STIM1: variants seen among roughly 807,000 people sequenced by gnomAD.
STIM1 encodes stromal interaction molecule 1.
Under a neutral mutation model 74.7 loss-of-function variants are expected in STIM1, and 25 were observed. The observed-to-expected ratio is 0.33, with a 90% confidence interval of 0.24 to 0.47. The LOEUF is 0.47. Ranked by LOEUF, STIM1 falls within the 20% of genes least tolerant of loss-of-function variation. The probability of loss-of-function intolerance (pLI) is 1.00; values close to 1 mark genes in which losing one functional copy is unlikely to be tolerated. For synonymous variants in STIM1, 328 were observed against 348.8 expected, an observed-to-expected ratio of 0.94 and a Z score of 0.66; for missense variants, 728 against 920.8, an observed-to-expected ratio of 0.79 and a Z score of 2.71.
At chr11:3,940,053 A>G (rs984489263) in intron 1 of STIM1, among the ~76,000 whole-genome samples, 1 of 152,208 alleles carries the variant, frequency 6.6e-6, no homozygotes, top group Non-Finnish European at 1.5e-5. Context: ...AGACTTCACT[A>G]TGTGATTTTC....
chr11:3,956,889 G>GCGAA (rs2093221766), intron 1 of STIM1, among the ~76,000 whole-genome samples: 1 of 144,254 alleles, frequency 6.9e-6, no homozygotes, highest in African/African-American at 2.5e-5. Context: ...ATTAGGGAAA[G>GCGAA]CGAAGATTTA....
intron 1 of STIM1, chr11:3,892,816 T>C: frequency 3.7e-6 from 6 of 1,612,864 alleles, no homozygotes; most frequent in Non-Finnish European, 5.1e-6. Context: ...TGTCTGCAAA[T>C]AGCTTGAAGG....
intron 2 of STIM1, among the ~76,000 whole-genome samples, chr11:4,018,323 G>A (rs889530866): frequency 2.0e-5 from 3 of 149,940 alleles, no homozygotes; most frequent in African/African-American, 4.9e-5. Flanking sequence ...GCGGTGGCGG[G>A]CGCCTGTAGT....
chr11:3,972,870 A>G, intron 2 of STIM1: 1 of 482,830 alleles, frequency 2.1e-6, no homozygotes, highest in Non-Finnish European at 4.1e-6. Context: ...TGTTTTGGCC[A>G]GTATAGAATC....
At chr11:3,999,210 T>A (rs1368223572) in intron 2 of STIM1, among the ~76,000 whole-genome samples, 1 of 152,194 alleles carries the variant, frequency 6.6e-6, no homozygotes, top group Admixed American at 6.5e-5. Context: ...TTAGCCCCTG[T>A]GCCTGTAGTC....
At chr11:3,962,445 T>TTTTG (rs2093296942) in intron 1 of STIM1, among the ~76,000 whole-genome samples, 1 of 147,726 alleles carries the variant, frequency 6.8e-6, no homozygotes, top group African/African-American at 2.5e-5. Context: ...CTGAGTAGTA[T>TTTTG]TGTGTGTGTG....
At chr11:4,020,631 C>A (rs377261433) in intron 2 of STIM1, among the ~76,000 whole-genome samples, 5 of 151,976 alleles carry the variant, frequency 3.3e-5, no homozygotes, top group Non-Finnish European at 7.4e-5. Flanking sequence ...CTCTGTCACC[C>A]AGGCTGGAGT....
intron 2 of STIM1, among the ~76,000 whole-genome samples, chr11:3,982,023 T>C (rs1489125455): frequency 1.3e-5 from 2 of 152,162 alleles, no homozygotes; most frequent in African/African-American, 4.8e-5. Context: ...TTTTTTCTTT[T>C]CTTTTCTTTC....
chr11:4,091,935 A>G lies in STIM1; in HGVS notation c.*137A>G, dbSNP rs2094527671. 3.5e-6 allele frequency: 4 copies of G among 1,159,420 alleles called. No homozygotes were observed. Among genetic ancestry groups the G allele is most frequent in the Non-Finnish European group, 5.0e-6 (4 of 807,350 alleles). 71.8% of individuals were successfully genotyped at this position (1,159,420 alleles called of 1,614,324 possible). On this transcript the variant is annotated 3_prime_UTR_variant, in exon 13 of 13. Transcript: ENST00000526596. ...TGGTCCAGGGGTCTGGGCACTGTAC[A>G]TACCTGCCCCCTCATCCTTGGGTCC...
intron 1 of STIM1, among the ~76,000 whole-genome samples, chr11:3,907,745 G>A (rs2092489768): frequency 6.6e-6 from 1 of 152,112 alleles, no homozygotes; most frequent in Non-Finnish European, 1.5e-5. Context: ...CATATGACTT[G>A]GCTCCCAGTT....
At chr11:3,981,241 T>C (rs1203687692) in intron 2 of STIM1, among the ~76,000 whole-genome samples, 2 of 152,228 alleles carry the variant, frequency 1.3e-5, no homozygotes, top group Non-Finnish European at 2.9e-5. Flanking sequence ...CCGAGAAATC[T>C]TGTTTGTTCT....
Position 3,904,008 on chromosome 11 carries a change from C to G in STIM1, c.139+47599C>G, listed in dbSNP as rs141100946. Among the ~76,000 whole-genome samples the G allele has an allele frequency of 1.1e-4, 16 of 151,924 alleles. No homozygotes were observed. The South Asian group carries it at 1.9e-3, about 18-fold the overall frequency. On this transcript the variant is annotated intron_variant, in intron 1 of 12. Coordinates refer to ENST00000526596, the MANE Select transcript of STIM1 (RefSeq NM_001382567.1). ...GGTCAGCAGTTCGAGACCAGCCTGA[C>G]CAATATGGTGAAACCCCATCTCTAC...
chr11:3,877,617 T>C (rs1284640309), intron 1 of STIM1, among the ~76,000 whole-genome samples: 1 of 152,218 alleles, frequency 6.6e-6, no homozygotes, highest in Non-Finnish European at 1.5e-5. Flanking sequence ...CAGAGTGTGT[T>C]TGCTTGGGTT....
At chr11:3,972,605 C>G (rs939867116) in intron 2 of STIM1, among the ~76,000 whole-genome samples, 2 of 152,150 alleles carry the variant, frequency 1.3e-5, no homozygotes, top group African/African-American at 4.8e-5. Context: ...CTAAAATAAC[C>G]TGTTATACAA....
intron 1 of STIM1, among the ~76,000 whole-genome samples, chr11:3,920,285 T>G (rs2092701944): frequency 6.6e-6 from 1 of 152,068 alleles, no homozygotes; most frequent in African/African-American, 2.4e-5. Context: ...TCAACAATTT[T>G]GTGTAACCGT....
chr11:3,886,817 C>G lies in STIM1; in HGVS notation c.139+30408C>G, dbSNP rs142449215. ...AGGAGATCGAGATCATCCTGGATAA[C>G]ATGGTGAAACCCCGTCTTTACTAAA... On this transcript the variant is annotated intron_variant, in intron 1 of 12. Transcript: ENST00000526596. Among the ~76,000 whole-genome samples, 203 of 150,600 alleles carry G rather than the reference C, an allele frequency of 1.3e-3. 2 individuals are homozygous for G. The East Asian group carries it at 0.037, about 28-fold the overall frequency.
chr11:3,869,500 A>G (rs1200783671), intron 1 of STIM1, among the ~76,000 whole-genome samples: 7 of 152,204 alleles, frequency 4.6e-5, no homozygotes, highest in Admixed American at 4.6e-4. Flanking sequence ...TACTTCAGGT[A>G]GAAATATAAG....
At chr11:4,064,096 G>A (rs150959125) in intron 5 of STIM1, among the ~76,000 whole-genome samples, 9 of 152,168 alleles carry the variant, frequency 5.9e-5, no homozygotes, top group African/African-American at 1.9e-4. Context: ...CAAGGATTCT[G>A]ATAGAGCTGG....
intron 3 of STIM1, among the ~76,000 whole-genome samples, chr11:4,034,661 G>A (rs2094084074): frequency 6.6e-6 from 1 of 152,036 alleles, no homozygotes; most frequent in African/African-American, 2.4e-5. Flanking sequence ...TATTCCTCAA[G>A]TTTTTTTGAA....
Sources: allele counts gnomAD v4.1 joint callset (sites outside exome capture counted in the v4.1 genomes callset), GRCh38; gene constraint gnomAD v4.1.1; transcripts MANE v1.5; gene names NCBI Gene and HGNC (gene_info 2026-07-23, HGNC 2026-07-21).